The following SDK1 variants were observed in gnomAD, a reference collection of about 807,000 sequenced individuals.
The protein encoded by SDK1 is protein sidekick-1.
A neutral mutation model predicts 245.5 loss-of-function variants in SDK1; 157 were observed. That is an observed-to-expected ratio of 0.64 (90% CI 0.56 to 0.73). The LOEUF (loss-of-function observed/expected upper bound fraction) is 0.73, where lower values mean the gene tolerates loss of function less well. Ranked by LOEUF, SDK1 falls within the 30% of genes least tolerant of loss-of-function variation. The probability of loss-of-function intolerance (pLI) is 0.00; values close to 1 mark genes in which losing one functional copy is unlikely to be tolerated. For synonymous variants in SDK1, 1,647 were observed against 1,278.5 expected (o/e 1.29, Z -6.15); for missense variants, 3,583 against 3,002.3 (o/e 1.19, Z -4.52).
At chr7:4,260,713 C>T (rs185676980) in intron 44 of SDK1, among the ~76,000 whole-genome samples, 5 of 107,516 alleles carry the variant, frequency 4.7e-5, no homozygotes, top group East Asian at 2.9e-4. Context: ...AGGGTCTCTG[C>T]GTGTGTGGGA....
intron 1 of SDK1, among the ~76,000 whole-genome samples, chr7:3,432,611 A>C (rs957952886): frequency 1.3e-5 from 2 of 152,180 alleles, no homozygotes; most frequent in African/African-American, 4.8e-5. Flanking sequence ...TTCGCATAGA[A>C]AAACCTGTGT....
chr7:3,435,607 C>T (rs942329706), intron 1 of SDK1, among the ~76,000 whole-genome samples: 10 of 151,910 alleles, frequency 6.6e-5, no homozygotes, highest in African/African-American at 2.2e-4. Flanking sequence ...TCAGGCAATC[C>T]GCCCGCTTCG....
Position 3,465,571 on chromosome 7 carries a change from T to A in SDK1, c.299-153509T>A, listed in dbSNP as rs77149145. 4.1e-3 allele frequency among the ~76,000 whole-genome samples: 625 copies of A among 152,276 alleles called. 7 individuals carry two copies. Among genetic ancestry groups the A allele is most frequent in the African/African-American group, 0.014 (584 of 41,560 alleles). On this transcript the variant is annotated intron_variant, in intron 1 of 44. Transcript: ENST00000404826. The stretch of plus-strand genomic sequence containing the variant: ...CACTGCTCTCATTGCTAGGTTCATA[T>A]ACTGTTGGGTGATGGGTGGGATCAA...
At chr7:4,073,996 C>T (rs987838479) in intron 20 of SDK1, among the ~76,000 whole-genome samples, 4 of 152,094 alleles carry the variant, frequency 2.6e-5, no homozygotes, top group Non-Finnish European at 5.9e-5. Flanking sequence ...TCTTCCCGGA[C>T]ATCGCCTATT....
intron 1 of SDK1, among the ~76,000 whole-genome samples, chr7:3,420,511 AT>A (rs994744182): frequency 6.6e-6 from 1 of 152,084 alleles, no homozygotes; most frequent in Non-Finnish European, 1.5e-5. Context: ...CCATTTTTTA[AT>A]TGTTTGCTTT....
chr7:3,724,689 G>A (rs1257601456), intron 4 of SDK1, among the ~76,000 whole-genome samples: 2 of 152,176 alleles, frequency 1.3e-5, no homozygotes, highest in Admixed American at 1.3e-4. Context: ...CTTCCATGAG[G>A]TGATTCAGAG....
At chr7:3,927,969 T>C (rs558042654) in intron 5 of SDK1, among the ~76,000 whole-genome samples, 24 of 152,280 alleles carry the variant, frequency 1.6e-4, no homozygotes, top group African/African-American at 5.5e-4. Context: ...GGGTGCTCAG[T>C]AGAGGAATGT....
chr7:3,636,154 G>A (rs867180328), intron 2 of SDK1, among the ~76,000 whole-genome samples: 5 of 152,084 alleles, frequency 3.3e-5, no homozygotes, highest in Admixed American at 1.3e-4. Context: ...ACCACTATAT[G>A]TGGCATAAAT....
At position 3,569,624 on chromosome 7, in the gene SDK1, A is replaced by G. The variant is rs186022684; in HGVS notation, c.299-49456A>G. On this transcript the variant is annotated intron_variant, in intron 1 of 44. Coordinates refer to ENST00000404826, the MANE Select transcript of SDK1 (RefSeq NM_152744.4). ...TTCTTCAAGGCAATTTTCACTTCCA[A>G]CGTGATCTACAGAAGTGCTCACAAG... 5.6e-4 allele frequency among the ~76,000 whole-genome samples: 85 copies of G among 152,278 alleles called. 3 individuals carry two copies. In the South Asian group the frequency reaches 0.018, roughly 32 times the overall value.
At chr7:3,808,221 G>C (rs67724049) in intron 4 of SDK1, among the ~76,000 whole-genome samples, 1 of 152,080 alleles carries the variant, frequency 6.6e-6, no homozygotes, top group Admixed American at 6.5e-5. Flanking sequence ...ATGACGGCGA[G>C]GAGGGCAGAG....
At chr7:3,510,076 A>G (rs1162799552) in intron 1 of SDK1, among the ~76,000 whole-genome samples, 4 of 152,156 alleles carry the variant, frequency 2.6e-5, no homozygotes, top group African/African-American at 9.7e-5. Flanking sequence ...GGGCTCCCTT[A>G]TTCTCTTGTT....
chr7:3,723,923 C>T lies in SDK1; in HGVS notation c.713+81818C>T, dbSNP rs576346738. The stretch of plus-strand genomic sequence containing the variant: ...ATATACACGTACATATATATATACA[C>T]GTATATATATATATATATATAGAGA... On this transcript the variant is annotated intron_variant, in intron 4 of 44. Transcript: ENST00000404826. 1.8e-4 allele frequency among the ~76,000 whole-genome samples: 20 copies of T among 109,268 alleles called. 2 individuals are homozygous for T. The highest frequency in any genetic ancestry group is 9.0e-4 in the South Asian group (3 of 3,342). The allele number at this position is 109,268 out of a possible 152,430, so 71.7% of individuals were successfully genotyped here.
chr7:3,435,203 G>T (rs1219611942), intron 1 of SDK1, among the ~76,000 whole-genome samples: 2 of 150,514 alleles, frequency 1.3e-5, no homozygotes, highest in Non-Finnish European at 3.0e-5. Context: ...ATTTATGGAA[G>T]ATAGTGATTG....
At chr7:4,062,844 A>G (rs1451621570) in intron 19 of SDK1, among the ~76,000 whole-genome samples, 1 of 152,204 alleles carries the variant, frequency 6.6e-6, no homozygotes, top group African/African-American at 2.4e-5. Context: ...AACATAATAA[A>G]AGACAAAAAC....
At chr7:3,747,369 A>G (rs1009807120) in intron 4 of SDK1, among the ~76,000 whole-genome samples, 3 of 152,158 alleles carry the variant, frequency 2.0e-5, no homozygotes, top group African/African-American at 4.8e-5. Flanking sequence ...TGTTTGTGCT[A>G]TTTTCTTGCA....
intron 4 of SDK1, among the ~76,000 whole-genome samples, chr7:3,793,753 A>T (rs1457940288): frequency 6.6e-6 from 1 of 152,126 alleles, no homozygotes; most frequent in Non-Finnish European, 1.5e-5. Context: ...TGGATTCTTT[A>T]ATGGCAGTGA....
At chr7:3,910,270 C>A (rs1779118573) in intron 5 of SDK1, among the ~76,000 whole-genome samples, 1 of 152,218 alleles carries the variant, frequency 6.6e-6, no homozygotes, top group Non-Finnish European at 1.5e-5. Flanking sequence ...ACAGATTATT[C>A]TGCTGTGCTG....
At chr7:3,584,792 G>C (rs967550967) in intron 1 of SDK1, among the ~76,000 whole-genome samples, 14 of 150,752 alleles carry the variant, frequency 9.3e-5, no homozygotes, top group Non-Finnish European at 1.5e-5. Context: ...GGCGCGATCT[G>C]GGCTCACTTC....
chr7:4,145,988 T>A, intron 29 of SDK1, 72 bp downstream of exon 29: 1 of 1,360,178 alleles, frequency 7.4e-7, no homozygotes. Flanking sequence ...CCCTCTGGGG[T>A]CTGCGGGGTA....
Sources: gnomAD v4.1 joint callset for allele counts (sites outside exome capture counted in the v4.1 genomes callset) on GRCh38, gnomAD v4.1.1 for gene constraint, MANE v1.5 for transcripts, NCBI Gene and HGNC (gene_info 2026-07-23, HGNC 2026-07-21) for gene names.